Variants in COL22A1 observed in about 807,000 individuals in gnomAD.
The protein encoded by COL22A1 is collagen alpha-1(XXII) chain.
A neutral mutation model predicts 248.9 loss-of-function variants in COL22A1; 221 were observed. That is an observed-to-expected ratio of 0.89 (90% CI 0.80 to 0.99). The LOEUF (loss-of-function observed/expected upper bound fraction) is 0.99. Ranked by LOEUF, COL22A1 falls within the 50% of genes least tolerant of loss-of-function variation. The pLI is 0.00. For missense variants in COL22A1, 2,240 were observed against 2,179.0 expected, an observed-to-expected ratio of 1.03 and a Z score of -0.56; for synonymous variants, 891 against 793.4, an observed-to-expected ratio of 1.12 and a Z score of -2.07.
At chr8:138,611,084 G>T (rs906307349) in intron 56 of COL22A1, among the ~76,000 whole-genome samples, 2 of 152,140 alleles carry the variant, frequency 1.3e-5, no homozygotes, top group Non-Finnish European at 2.9e-5. Flanking sequence ...AAGTCACTTC[G>T]CTTTCCCTCT....
chr8:138,663,531 A>G (rs1824174351), intron 42 of COL22A1, among the ~76,000 whole-genome samples, 174 bp downstream of exon 42: 1 of 152,208 alleles, frequency 6.6e-6, no homozygotes, highest in South Asian at 2.1e-4. Context: ...ATGTACATCT[A>G]TCACACTGTA....
intron 32 of COL22A1, among the ~76,000 whole-genome samples, chr8:138,695,273 A>T (rs1013244692): frequency 6.6e-6 from 1 of 152,182 alleles, no homozygotes; most frequent in South Asian, 2.1e-4. Flanking sequence ...GAATGATGGA[A>T]AGAGTTTTGA....
chr8:138,721,939 G>A (rs1829895840), intron 26 of COL22A1, 97 bp downstream of exon 26: 2 of 943,760 alleles, frequency 2.1e-6, no homozygotes, highest in South Asian at 2.8e-5. Flanking sequence ...GAAGACCCAG[G>A]CAATTGACTT....
chr8:138,646,548 C>T, intron 47 of COL22A1, 81 bp downstream of exon 47: 2 of 1,112,432 alleles, frequency 1.8e-6, no homozygotes, highest in Non-Finnish European at 1.3e-6. Flanking sequence ...TTTACACTGG[C>T]CATCACTCTT....
intron 1 of COL22A1, among the ~76,000 whole-genome samples, chr8:138,904,737 G>A (rs78010861): frequency 1.4e-3 from 207 of 152,174 alleles, no homozygotes; most frequent in African/African-American, 4.8e-3. Flanking sequence ...TTTGAGCAGC[G>A]TCTGGTCTGG....
intron 41 of COL22A1, among the ~76,000 whole-genome samples, chr8:138,664,194 T>TGTGCGCGCGC (rs1554738435): frequency 2.3e-5 from 2 of 85,300 alleles, no homozygotes; most frequent in Non-Finnish European, 5.0e-5. Context: ...CAACAAGGGG[T>TGTGCGCGCGC]GCGCGCGCGC....
chr8:138,646,518 T>G, intron 47 of COL22A1, 111 bp downstream of exon 47: 1 of 787,758 alleles, frequency 1.3e-6, no homozygotes, highest in African/African-American at 1.8e-5. Context: ...ACAGGGGTTT[T>G]CTGATTTTAA....
intron 51 of COL22A1, among the ~76,000 whole-genome samples, chr8:138,625,203 A>G (rs566123893): frequency 6.6e-6 from 1 of 152,154 alleles, no homozygotes; most frequent in East Asian, 1.9e-4. Flanking sequence ...GAAGGAAGTG[A>G]TAGCTGGGAT....
chr8:138,843,858 T>G (rs771375997), intron 4 of COL22A1, among the ~76,000 whole-genome samples: 23 of 152,238 alleles, frequency 1.5e-4, no homozygotes, highest in Non-Finnish European at 3.1e-4. Context: ...CTATAGAATA[T>G]CCACAGCCTG....
chr8:138,709,911 A>G (rs1234882023), intron 30 of COL22A1, among the ~76,000 whole-genome samples: 5 of 152,190 alleles, frequency 3.3e-5, no homozygotes, highest in African/African-American at 4.8e-5. Flanking sequence ...ACATGCCCTG[A>G]GCACAATTAC....
chr8:138,810,504 C>A (rs761592162), intron 9 of COL22A1, among the ~76,000 whole-genome samples: 26 of 152,218 alleles, frequency 1.7e-4, no homozygotes, highest in Admixed American at 6.5e-4. Context: ...CCAGCCCTGG[C>A]TCCTGCCTCC....
chr8:138,896,429 T>C (rs1825418111), intron 1 of COL22A1, among the ~76,000 whole-genome samples: 1 of 152,210 alleles, frequency 6.6e-6, no homozygotes, highest in Non-Finnish European at 1.5e-5. Context: ...AGTTGACTCA[T>C]GCTCTCTATA....
In COL22A1 at chr8:138,832,937, A is replaced by G. The variant is rs533490780; in HGVS notation, c.845+102T>C. ...AACCTTACAAGGCACTGAGAAGGTT[A>G]AAGCCCGGCTCGGTGCCAAGTATGA... is the stretch of plus-strand genomic sequence containing the variant. On this transcript the variant is annotated intron_variant, in intron 5 of 64. Coordinates refer to ENST00000303045, the MANE Select transcript of COL22A1 (RefSeq NM_152888.3). 115 of 745,050 alleles carry G rather than the reference A, an allele frequency of 1.5e-4. 1 individual carries two copies. The highest frequency in any genetic ancestry group is 2.2e-4 in the Non-Finnish European group (95 of 428,538). 46.2% of individuals were successfully genotyped at this position (745,050 alleles called of 1,614,324 possible). A position where few individuals can be genotyped will look rare whatever the true frequency, so the allele number is the denominator to read the frequency against.
At chr8:138,747,360 A>G (rs1832202068) in intron 22 of COL22A1, among the ~76,000 whole-genome samples, 2 of 152,240 alleles carry the variant, frequency 1.3e-5, no homozygotes, top group South Asian at 4.1e-4. Context: ...GTTTTTCATC[A>G]CAAAACATTT....
intron 10 of COL22A1, among the ~76,000 whole-genome samples, chr8:138,804,128 C>T (rs1235128282): frequency 6.6e-6 from 1 of 152,170 alleles, no homozygotes; most frequent in Admixed American, 6.5e-5. Context: ...TCCTGGGGAC[C>T]AGGCTCTCAG....
chr8:138,618,896 G>A (rs1444433481), intron 53 of COL22A1, among the ~76,000 whole-genome samples: 1 of 152,046 alleles, frequency 6.6e-6, no homozygotes, highest in African/African-American at 2.4e-5. Flanking sequence ...ATGTATAATA[G>A]CTAGACATAG....
chr8:138,770,275 G>A (rs189568214), intron 16 of COL22A1, among the ~76,000 whole-genome samples: 4 of 152,272 alleles, frequency 2.6e-5, no homozygotes, highest in South Asian at 2.1e-4. Flanking sequence ...GGCCCTCAAC[G>A]CCCAGTGCTT....
At chr8:138,856,585 A>G (rs542628783) in intron 3 of COL22A1, among the ~76,000 whole-genome samples, 18 of 146,296 alleles carry the variant, frequency 1.2e-4, no homozygotes, top group African/African-American at 4.8e-4. Flanking sequence ...AGAGAGACAG[A>G]GGCAGTGAGA....
intron 3 of COL22A1, among the ~76,000 whole-genome samples, chr8:138,850,837 C>T (rs1821587311): frequency 1.3e-5 from 2 of 152,190 alleles, no homozygotes; most frequent in Admixed American, 1.3e-4. Flanking sequence ...CCACAGTTGT[C>T]CTAAAGGTTA....
Sources: gnomAD v4.1 joint callset for allele counts (sites outside exome capture counted in the v4.1 genomes callset) on GRCh38, gnomAD v4.1.1 for gene constraint, MANE v1.5 for transcripts, NCBI Gene and HGNC (gene_info 2026-07-23, HGNC 2026-07-21) for gene names.